CRTC3: variants seen among roughly 807,000 people sequenced by gnomAD.
The protein encoded by CRTC3 is CREB-regulated transcription coactivator 3.
CRTC3 carries 26 observed loss-of-function variants against 74.5 expected under a neutral mutation model. That is an observed-to-expected ratio of 0.35 (90% CI 0.26 to 0.48). The LOEUF (loss-of-function observed/expected upper bound fraction) is 0.48, where lower values mean the gene tolerates loss of function less well. Among genes scored for constraint, CRTC3 ranks in the 20% least tolerant of loss-of-function variants. The pLI, the probability that CRTC3 is intolerant of heterozygous loss-of-function variation, is 0.99. For synonymous variants in CRTC3, 377 were observed against 325.8 expected, an observed-to-expected ratio of 1.16 and a Z score of -1.69; for missense variants, 760 against 787.3, an observed-to-expected ratio of 0.97 and a Z score of 0.41.
chr15:90,626,009 T>C lies in CRTC3; in HGVS notation c.967+16T>C, dbSNP rs1968822839. 6.2e-7 allele frequency: 1 copy of C among 1,604,084 alleles called. No individual in the cohort carries two copies. The highest frequency in any genetic ancestry group is 8.5e-7 in the Non-Finnish European group (1 of 1,170,798). ...AGCTCCTCTGGTGAGTATCTCCTGCTTAGCAGTGACCTGGTGGCTTAATCA... is the reference window on the plus strand; with the variant it reads ...AGCTCCTCTGGTGAGTATCTCCTGCCTAGCAGTGACCTGGTGGCTTAATCA... On this transcript the variant is annotated intron_variant, in intron 10 of 14. Coordinates refer to ENST00000268184, the MANE Select transcript of CRTC3 (RefSeq NM_022769.5).
At chr15:90,574,332 G>T (rs1967348834) in intron 2 of CRTC3, among the ~76,000 whole-genome samples, 1 of 152,042 alleles carries the variant, frequency 6.6e-6, no homozygotes, top group East Asian at 1.9e-4. Flanking sequence ...CAAAAAATTA[G>T]CTGGGTGTGG....
chr15:90,565,299 ATAG>A (rs757009473), intron 2 of CRTC3, among the ~76,000 whole-genome samples: 1 of 152,160 alleles, frequency 6.6e-6, no homozygotes, highest in African/African-American at 2.4e-5. Flanking sequence ...GGGGATAATA[ATAG>A]TAGCACTTCA....
intron 1 of CRTC3, among the ~76,000 whole-genome samples, chr15:90,534,905 A>G (rs1344451855): frequency 6.6e-6 from 1 of 152,202 alleles, no homozygotes; most frequent in Non-Finnish European, 1.5e-5. Flanking sequence ...CACGCCTGTA[A>G]TCCCAGCACT....
chr15:90,637,392 C>G (rs963367333), intron 11 of CRTC3, among the ~76,000 whole-genome samples: 1 of 151,856 alleles, frequency 6.6e-6, no homozygotes, highest in African/African-American at 2.4e-5. Context: ...CATCACACAC[C>G]GGGGCCTGTT....
chr15:90,550,334 C>T (rs1316338640), intron 2 of CRTC3, among the ~76,000 whole-genome samples: 4 of 150,938 alleles, frequency 2.7e-5, no homozygotes, highest in Admixed American at 2.0e-4. Flanking sequence ...GGCTTGAACC[C>T]GGGAGGTGGA....
chr15:90,618,525 A>C (rs1968554466), intron 8 of CRTC3, among the ~76,000 whole-genome samples: 1 of 152,350 alleles, frequency 6.6e-6, no homozygotes, highest in East Asian at 1.9e-4. Context: ...CTGTGGAAGA[A>C]AGGGGAGGTC....
chr15:90,532,509 AGG>A (rs1966643478), intron 1 of CRTC3, among the ~76,000 whole-genome samples: 1 of 152,168 alleles, frequency 6.6e-6, no homozygotes, highest in Admixed American at 6.5e-5. Context: ...GCTAATCGAT[AGG>A]GCAGACATTA....
chr15:90,593,656 T>G lies in CRTC3; in HGVS notation c.252T>G (p.Asp84Glu), dbSNP rs760890318. Residue 84 changes from aspartate to glutamate, a missense_variant, in exon 3 of 15, where the codon GAT becomes GAG. Around this residue, in one of 2 missense-constraint regions of CRTC3, gnomAD observed 108 missense variants for 152.1 expected, o/e 0.71. Coordinates refer to ENST00000268184, the MANE Select transcript of CRTC3 (RefSeq NM_022769.5). ...TGCAGCCGTCATTTCACCAAGCTGA[T>G]AATGTTCGGGGAACCCGCCATCACG... ...SEFQPSFHQA[D>E]NVRGTRHHGL... is the part of the protein sequence containing the mutation. 1 of 1,609,684 alleles carries G rather than the reference T, an allele frequency of 6.2e-7. No homozygotes were observed. Among genetic ancestry groups the G allele is most frequent in the South Asian group, 1.1e-5 (1 of 90,922 alleles).
At chr15:90,544,985 C>T (rs944959396) in intron 2 of CRTC3, among the ~76,000 whole-genome samples, 11 of 152,174 alleles carry the variant, frequency 7.2e-5, no homozygotes, top group African/African-American at 2.7e-4. Flanking sequence ...ATTCTATGCC[C>T]ATTCAATAAG....
intron 10 of CRTC3, among the ~76,000 whole-genome samples, chr15:90,628,452 C>T (rs552186542): frequency 3.3e-5 from 5 of 152,246 alleles, no homozygotes; most frequent in Non-Finnish European, 7.4e-5. Flanking sequence ...ATTCACTGGG[C>T]GAACCTGCTC....
chr15:90,594,054 C>T (rs1230781745), intron 3 of CRTC3: 6 of 222,060 alleles, frequency 2.7e-5, no homozygotes, highest in Non-Finnish European at 4.4e-5. Flanking sequence ...AAATTGGCCA[C>T]GTTAGAGTTA....
rs772293561 is a variant in CRTC3 at position 90,607,469 on chromosome 15, C to T, written c.568C>T (p.Pro190Ser). 8 of 1,601,648 alleles carry T rather than the reference C, an allele frequency of 5.0e-6. No homozygotes were observed. Among genetic ancestry groups the T allele is most frequent in the Non-Finnish European group, 6.0e-6 (7 of 1,170,002 alleles). ...AGGGGGCCAGTCGGCCTGGCCTGCC[C>T]CATACATGGGTAAGACACACAGGCC... ...GGGGQSAWPAPYMGFCDGENN... is the reference protein window; with the variant it reads ...GGGGQSAWPASYMGFCDGENN... The change falls in exon 6 of 15, where the codon CCA (proline) becomes TCA (serine). Residue 190 changes from proline (P) to serine (S), a missense_variant. By Grantham distance (74) the Pro-to-Ser change is moderately conservative (BLOSUM62 -1). This residue lies in a region of CRTC3 where 652 missense variants were observed against 635.2 expected (regional missense o/e 1.03). Coordinates refer to ENST00000268184, the MANE Select transcript of CRTC3 (RefSeq NM_022769.5).
chr15:90,539,776 A>C, intron 1 of CRTC3: 1 of 402,194 alleles, frequency 2.5e-6, no homozygotes, highest in South Asian at 2.8e-5. Context: ...AGTGTATCCA[A>C]ACATACACAC....
intron 2 of CRTC3, among the ~76,000 whole-genome samples, chr15:90,556,940 T>C (rs1231471031): frequency 6.7e-6 from 1 of 148,314 alleles, no homozygotes; most frequent in Non-Finnish European, 1.5e-5. Flanking sequence ...AATTATTCTC[T>C]TTATAATCAC....
chr15:90,633,466 G>A (rs557107741), intron 11 of CRTC3, among the ~76,000 whole-genome samples: 30 of 152,258 alleles, frequency 2.0e-4, no homozygotes, highest in African/African-American at 7.0e-4. Flanking sequence ...CTATTCATTT[G>A]TAAGTTGCAT....
intron 8 of CRTC3, among the ~76,000 whole-genome samples, chr15:90,618,446 G>A (rs771224036): frequency 3.3e-5 from 5 of 152,176 alleles, no homozygotes; most frequent in Admixed American, 1.3e-4. Context: ...TGATTTCCAT[G>A]CGCCTTTGAG....
At chr15:90,608,886 G>T (rs558815832) in intron 6 of CRTC3, among the ~76,000 whole-genome samples, 19 of 152,318 alleles carry the variant, frequency 1.2e-4, no homozygotes, top group African/African-American at 4.3e-4. Flanking sequence ...TTATAATCTA[G>T]AAAGAACAAT....
chr15:90,638,439 T>C lies in CRTC3; in HGVS notation c.1267-7T>C, dbSNP rs1969317146. ...CTCATTAGTGGCTTTGTGTGTTTGT[T>C]TTGCAGATGGTGTCCTCAGACCGAA... On this transcript the variant is annotated splice_region_variant and splice_polypyrimidine_tract_variant and intron_variant, in intron 11 of 14. Coordinates refer to ENST00000268184, the MANE Select transcript of CRTC3 (RefSeq NM_022769.5). 1 of 1,613,620 alleles carries C rather than the reference T, an allele frequency of 6.2e-7. No homozygotes were observed. Among genetic ancestry groups the C allele is most frequent in the African/African-American group, 1.3e-5 (1 of 74,902 alleles).
intron 4 of CRTC3, among the ~76,000 whole-genome samples, chr15:90,603,792 T>A (rs1968146712): frequency 6.6e-6 from 1 of 152,210 alleles, no homozygotes; most frequent in Non-Finnish European, 1.5e-5. Flanking sequence ...GTAGTCTGGA[T>A]CTGGGAAAGG....
Sources: allele counts gnomAD v4.1 joint callset (sites outside exome capture counted in the v4.1 genomes callset), GRCh38; gene constraint gnomAD v4.1.1; regional missense constraint gnomAD v4.1.1; transcripts MANE v1.5; gene names NCBI Gene and HGNC (gene_info 2026-07-23, HGNC 2026-07-21).